FZD9: variants seen among roughly 807,000 people sequenced by gnomAD.
FZD9 encodes the protein frizzled-9.
In FZD9, 29 loss-of-function variants were observed where a neutral mutation model predicts 29.9. That is an observed-to-expected ratio of 0.97 (90% CI 0.72 to 1.32). The LOEUF is 1.32. FZD9 is among the 40% of genes most tolerant of loss of function. The pLI, the probability that FZD9 is intolerant of heterozygous loss-of-function variation, is 0.00. For synonymous variants in FZD9, 384 were observed against 393.9 expected (o/e 0.97, Z 0.30); for missense variants, 822 against 857.8 (o/e 0.96, Z 0.52).
Position 73,435,739 on chromosome 7 carries a change from A to G in FZD9, c.1732A>G (p.Met578Val), listed in dbSNP as rs149379186. ...HYKAPTVVLHMTKTDPSLENP... is the reference protein window; with the variant it reads ...HYKAPTVVLHVTKTDPSLENP... Reference sequence around the variant, plus strand: ...TAAGGCTCCCACCGTGGTCTTGCACATGACTAAGACGGACCCCTCTTTGGA... The same window carrying G: ...TAAGGCTCCCACCGTGGTCTTGCACGTGACTAAGACGGACCCCTCTTTGGA... The change falls in exon 1 of 1, where the codon ATG becomes GTG. Residue 578 changes from methionine (M) to valine (V), a missense_variant. Met to Val is a conservative substitution (Grantham distance 21). Coordinates refer to ENST00000344575, the MANE Select transcript of FZD9 (RefSeq NM_003508.3). 1.6e-5 allele frequency: 25 copies of G among 1,610,212 alleles called. No individual in the cohort carries two copies. Among genetic ancestry groups the G allele is most frequent in the African/African-American group, 2.7e-5 (2 of 74,868 alleles).
At position 73,435,437 on chromosome 7, in the gene FZD9, G is replaced by A; in HGVS notation, c.1430G>A (p.Arg477His). The A allele has an allele frequency of 6.2e-7, 1 of 1,613,532 alleles. No individual in the cohort carries two copies. The highest frequency in any genetic ancestry group is 8.5e-7 in the Non-Finnish European group (1 of 1,179,992). Residue 477 changes from arginine (R) to histidine (H), a missense_variant, in exon 1 of 1, where the codon CGC becomes CAC. Physicochemically the swap from Arg to His is conservative, Grantham distance 29. Transcript: ENST00000344575. ...VYERLNMDFW[R>H]LRATEQPCAA... Reference sequence around the variant, plus strand: ...GAACGCCTCAACATGGACTTCTGGCGCCTTCGGGCCACAGAGCAGCCATGC... The same window carrying A: ...GAACGCCTCAACATGGACTTCTGGCACCTTCGGGCCACAGAGCAGCCATGC...
rs368559421 is a variant in FZD9 at position 73,435,754 on chromosome 7, C to G, written c.1747C>G (p.Pro583Ala). The change falls in exon 1 of 1, where the codon CCC becomes GCC. Residue 583 changes from proline (P) to alanine (A), a missense_variant. By Grantham distance (27) the Pro-to-Ala change is conservative. Transcript: ENST00000344575. ...TVVLHMTKTD[P>A]SLENPTHL Reference sequence around the variant, plus strand: ...GGTCTTGCACATGACTAAGACGGACCCCTCTTTGGAGAACCCCACACACCT... The same window carrying G: ...GGTCTTGCACATGACTAAGACGGACGCCTCTTTGGAGAACCCCACACACCT... 6.3e-7 allele frequency: 1 copy of G among 1,597,706 alleles called. No individual in the cohort carries two copies. The highest frequency in any genetic ancestry group is 8.6e-7 in the Non-Finnish European group (1 of 1,169,218).
In FZD9 at chr7:73,433,924, G is replaced by T. The variant is rs1264059627; in HGVS notation, c.-84G>T. On this transcript the variant is annotated 5_prime_UTR_variant, in exon 1 of 1. Transcript: ENST00000344575. ...TCAGCGATGGCCCGCGCCCCGCGAC[G>T]TGGCGGGCAGGCACCGGGGCGCGGG... The T allele has an allele frequency of 1.8e-4, 190 of 1,056,438 alleles. 1 individual carries two copies. The highest frequency in any genetic ancestry group is 1.9e-4 in the Non-Finnish European group (165 of 870,828). 65.4% of individuals were successfully genotyped at this position (1,056,438 alleles called of 1,614,324 possible).
Position 73,435,624 on chromosome 7 carries a change from C to G in FZD9, c.1617C>G (p.Ser539Arg). 6.2e-7 allele frequency: 1 copy of G among 1,613,170 alleles called. No homozygotes were observed. Among genetic ancestry groups the G allele is most frequent in the South Asian group, 1.1e-5 (1 of 91,086 alleles). Residue 539 changes from serine (S) to arginine (R), a missense_variant, in exon 1 of 1, where the codon AGC becomes AGG. Ser to Arg is a moderately radical substitution (Grantham distance 110). Transcript: ENST00000344575. ...WSSKTFQTWQ[S>R]LCYRKIAAGR... ...CCAAGACTTTCCAGACCTGGCAGAGCCTGTGCTACCGCAAGATAGCAGCTG... is the reference window on the plus strand; with the variant it reads ...CCAAGACTTTCCAGACCTGGCAGAGGCTGTGCTACCGCAAGATAGCAGCTG...
chr7:73,435,290 G>C lies in FZD9; in HGVS notation c.1283G>C (p.Arg428Pro), dbSNP rs782493264. ...LTGFVALFHI[R>P]KIMKTGGTNT... is the part of the protein sequence containing the mutation. ...GGCTTCGTGGCCCTCTTCCACATCC[G>C]CAAGATCATGAAGACGGGCGGCACC... The change falls in exon 1 of 1, where the codon CGC (arginine) becomes CCC (proline). Residue 428 changes from arginine to proline, a missense_variant. Arg to Pro is a moderately radical substitution (Grantham distance 103). Transcript: ENST00000344575. 6.2e-7 allele frequency: 1 copy of C among 1,613,590 alleles called. No homozygotes were observed. Among genetic ancestry groups the C allele is most frequent in the Non-Finnish European group, 8.5e-7 (1 of 1,179,888 alleles).
At position 73,435,201 on chromosome 7, in the gene FZD9, C is replaced by G; in HGVS notation, c.1194C>G (p.Leu398=). 6.2e-7 allele frequency: 1 copy of G among 1,613,320 alleles called. No individual in the cohort carries two copies. The highest frequency in any genetic ancestry group is 1.3e-5 in the African/African-American group (1 of 75,076). ...TGGCCAGCACGGATGCAGCAGCGCT[C>G]ACGGGCTTCGTGCTGGTGCCCCTCT... The part of the protein sequence containing the change: ...CYVASTDAAA[L]TGFVLVPLSG... Residue 398 remains leucine (L), a synonymous_variant, in exon 1 of 1, where the codon CTC becomes CTG. Coordinates refer to ENST00000344575, the MANE Select transcript of FZD9 (RefSeq NM_003508.3).
Position 73,434,247 on chromosome 7 carries a change from G to T in FZD9, c.240G>T (p.Val80=). 6.3e-7 allele frequency: 1 copy of T among 1,588,162 alleles called. No individual in the cohort carries two copies. The change falls in exon 1 of 1, where the codon GTG becomes GTT. Residue 80 remains valine, a synonymous_variant. Transcript: ENST00000344575. ...AAELAEFAPL[V]QYGCHSHLRF... is the part of the protein sequence containing the mutation. Reference sequence around the variant, plus strand: ...AGCTAGCGGAGTTCGCGCCGCTGGTGCAGTACGGCTGCCACAGCCACCTGC... The same window carrying T: ...AGCTAGCGGAGTTCGCGCCGCTGGTTCAGTACGGCTGCCACAGCCACCTGC...
Position 73,434,450 on chromosome 7 carries a change from C to T in FZD9, c.443C>T (p.Pro148Leu). The change falls in exon 1 of 1, where the codon CCG (proline) becomes CTG (leucine). Residue 148 changes from proline to leucine, a missense_variant. Transcript: ENST00000344575. ...GCCCGGCTGCCCACGCGCAACGACC[C>T]GCACGCGCTGTGCATGGAGGCGCCC... Reference protein sequence around the residue: ...DCARLPTRNDPHALCMEAPEN... With the variant: ...DCARLPTRNDLHALCMEAPEN... 3 of 1,537,656 alleles carry T rather than the reference C, an allele frequency of 2.0e-6. No homozygotes were observed. Among genetic ancestry groups the T allele is most frequent in the Non-Finnish European group, 2.6e-6 (3 of 1,151,074 alleles).
rs1563354669 is a variant in FZD9, at chr7:73,434,873, CGCAGAGCGTG to C, written c.869_878del (p.Gln290ProfsTer11). 6.2e-7 allele frequency: 1 copy of C among 1,613,506 alleles called. No homozygotes were observed. The highest frequency in any genetic ancestry group is 8.5e-7 in the Non-Finnish European group (1 of 1,180,000). On this transcript the variant is annotated frameshift_variant, in exon 1 of 1. Coordinates refer to ENST00000344575, the MANE Select transcript of FZD9 (RefSeq NM_003508.3). LOFTEE classifies it high-confidence loss of function. ...TTCCTGATCCGTGCGGTGGCCGGAG[CGCAGAGCGTG>C]GCCTGTGACCAGGAGGCGGGCGCGC... is the stretch of plus-strand genomic sequence containing the variant.
chr7:73,434,312 A>T lies in FZD9; in HGVS notation c.305A>T (p.Asp102Val). ...TCGCTCTACGCGCCCATGTGCACCG[A>T]CCAGGTCTCGACGCCCATTCCCGCC... is the stretch of plus-strand genomic sequence containing the variant. ...LCSLYAPMCT[D>V]QVSTPIPACR... The change falls in exon 1 of 1, where the codon GAC (aspartate) becomes GTC (valine). Residue 102 changes from aspartate to valine, a missense_variant. Physicochemically the swap from Asp to Val is radical, Grantham distance 152. Transcript: ENST00000344575. The T allele has an allele frequency of 6.3e-7, 1 of 1,586,530 alleles. No individual in the cohort carries two copies. Among genetic ancestry groups the T allele is most frequent in the African/African-American group, 1.4e-5 (1 of 73,692 alleles).
chr7:73,434,908 C>T lies in FZD9; in HGVS notation c.901C>T (p.Leu301Phe). The T allele has an allele frequency of 6.2e-7, 1 of 1,613,834 alleles. No homozygotes were observed. Among genetic ancestry groups the T allele is most frequent in the Non-Finnish European group, 8.5e-7 (1 of 1,180,006 alleles). ...SVACDQEAGALYVIQEGLENT... is the reference protein window; with the variant it reads ...SVACDQEAGAFYVIQEGLENT... ...GGCCTGTGACCAGGAGGCGGGCGCG[C>T]TCTACGTGATCCAGGAGGGCCTGGA... Residue 301 changes from leucine (L) to phenylalanine (F), a missense_variant, in exon 1 of 1, where the codon CTC becomes TTC. Transcript: ENST00000344575.
rs145921800 is a variant in FZD9, at chr7:73,435,217, G to T, written c.1210G>T (p.Val404Leu). The T allele has an allele frequency of 5.5e-5, 88 of 1,613,386 alleles. No individual in the cohort carries two copies. The highest frequency in any genetic ancestry group is 7.2e-5 in the Non-Finnish European group (85 of 1,180,046). ...AGCAGCGCTCACGGGCTTCGTGCTG[G>T]TGCCCCTCTCTGGCTACCTGGTGCT... ...DAAALTGFVL[V>L]PLSGYLVLGS... Residue 404 changes from valine (V) to leucine (L), a missense_variant, in exon 1 of 1, where the codon GTG becomes TTG. By Grantham distance (32) the Val-to-Leu change is conservative. Transcript: ENST00000344575.
Position 73,435,053 on chromosome 7 carries a change from A to G in FZD9, c.1046A>G (p.Glu349Gly), listed in dbSNP as rs1329341077. ...FLAAGKKWGH[E>G]AIEAHGSYFH... ...GCTGCCGGGAAGAAATGGGGCCACG[A>G]GGCCATCGAGGCCCACGGCAGCTAT... The change falls in exon 1 of 1, where the codon GAG becomes GGG. Residue 349 changes from glutamate to glycine, a missense_variant. By Grantham distance (98) the Glu-to-Gly change is moderately conservative. Transcript: ENST00000344575. 10 of 1,613,390 alleles carry G rather than the reference A, an allele frequency of 6.2e-6. No homozygotes were observed. The highest frequency in any genetic ancestry group is 8.5e-6 in the Non-Finnish European group (10 of 1,179,882).
In FZD9 at chr7:73,434,109, C is replaced by G. The variant is rs1554563151; in HGVS notation, c.102C>G (p.Arg34=). Residue 34 remains arginine, a synonymous_variant, in exon 1 of 1, where the codon CGC becomes CGG. Coordinates refer to ENST00000344575, the MANE Select transcript of FZD9 (RefSeq NM_003508.3). The stretch of plus-strand genomic sequence containing the variant: ...GCCGCTTCGACCCGGAGCGCGGGCG[C>G]GGGGCTGCGCCGTGCCAGGCGGTGG... ...EIGRFDPERG[R]GAAPCQAVEI... is the part of the protein sequence containing the mutation. 3 of 1,426,318 alleles carry G rather than the reference C, an allele frequency of 2.1e-6. No homozygotes were observed. The highest frequency in any genetic ancestry group is 2.7e-6 in the Non-Finnish European group (3 of 1,097,106). 88.4% of individuals were successfully genotyped at this position (1,426,318 alleles called of 1,614,324 possible).
chr7:73,435,856 A>G lies in FZD9; in HGVS notation c.*73A>G, dbSNP rs1054916937. 3.3e-6 allele frequency: 5 copies of G among 1,509,208 alleles called. No individual in the cohort carries two copies. Among genetic ancestry groups the G allele is most frequent in the Non-Finnish European group, 3.5e-6 (4 of 1,126,894 alleles). The allele number at this position is 1,509,208 out of a possible 1,614,324, so 93.5% of individuals were successfully genotyped here. A position where few individuals can be genotyped will look rare whatever the true frequency, so the allele number is the denominator to read the frequency against. On this transcript the variant is annotated 3_prime_UTR_variant, in exon 1 of 1. Coordinates refer to ENST00000344575, the MANE Select transcript of FZD9 (RefSeq NM_003508.3). ...ACGCCCTGCCCCCTGCATCCCCTAG[A>G]GACAGCTGACTAGCAGCTGCCCAGC...
In FZD9 at chr7:73,434,818, T is replaced by C. The variant is rs1787376108; in HGVS notation, c.811T>C (p.Ser271Pro). The C allele has an allele frequency of 6.2e-7, 1 of 1,613,120 alleles. No individual in the cohort carries two copies. The highest frequency in any genetic ancestry group is 1.3e-5 in the African/African-American group (1 of 74,898). Residue 271 changes from serine to proline, a missense_variant, in exon 1 of 1, where the codon TCC becomes CCC. By Grantham distance (74) the Ser-to-Pro change is moderately conservative. Transcript: ENST00000344575. Reference sequence around the variant, plus strand: ...CCCCGAGCGCCCCATCATCTTCCTCTCCATGTGCTACAACGTCTACTCGCT... The same window carrying C: ...CCCCGAGCGCCCCATCATCTTCCTCCCCATGTGCTACAACGTCTACTCGCT... ...QYPERPIIFL[S>P]MCYNVYSLAF...
In FZD9 at chr7:73,434,842, C is replaced by T. The variant is rs115007009; in HGVS notation, c.835C>T (p.Leu279=). ...CTCCATGTGCTACAACGTCTACTCG[C>T]TGGCCTTCCTGATCCGTGCGGTGGC... ...FLSMCYNVYS[L]AFLIRAVAGA... The change falls in exon 1 of 1, where the codon CTG becomes TTG. Residue 279 remains leucine, a synonymous_variant. Coordinates refer to ENST00000344575, the MANE Select transcript of FZD9 (RefSeq NM_003508.3). 1.2e-6 allele frequency: 2 copies of T among 1,613,504 alleles called. No homozygotes were observed. Among genetic ancestry groups the T allele is most frequent in the African/African-American group, 1.3e-5 (1 of 75,070 alleles).
In FZD9 at chr7:73,434,948, C is replaced by G. The variant is rs1431198105; in HGVS notation, c.941C>G (p.Thr314Arg). 4 of 1,613,938 alleles carry G rather than the reference C, an allele frequency of 2.5e-6. No individual in the cohort carries two copies. The highest frequency in any genetic ancestry group is 3.4e-6 in the Non-Finnish European group (4 of 1,180,026). The change falls in exon 1 of 1, where the codon ACG becomes AGG. Residue 314 changes from threonine to arginine, a missense_variant. Physicochemically the swap from Thr to Arg is moderately conservative, Grantham distance 71 (BLOSUM62 -1). Coordinates refer to ENST00000344575, the MANE Select transcript of FZD9 (RefSeq NM_003508.3). ...IQEGLENTGC[T>R]LVFLLLYYFG... ...GAGGGCCTGGAGAACACGGGCTGCA[C>G]GCTGGTCTTCCTACTGCTCTACTAC...
chr7:73,435,001 G>T lies in FZD9; in HGVS notation c.994G>T (p.Val332Leu), dbSNP rs781824483. The T allele has an allele frequency of 3.1e-6, 5 of 1,614,084 alleles. No homozygotes were observed. In the Admixed American group the frequency reaches 6.7e-5, roughly 22 times the overall value. Reference sequence around the variant, plus strand: ...CGGCATGGCCAGCTCGCTCTGGTGGGTGGTCCTGACGCTCACCTGGTTCCT... The same window carrying T: ...CGGCATGGCCAGCTCGCTCTGGTGGTTGGTCCTGACGCTCACCTGGTTCCT... Reference protein sequence around the residue: ...YFGMASSLWWVVLTLTWFLAA... With the variant: ...YFGMASSLWWLVLTLTWFLAA... Residue 332 changes from valine to leucine, a missense_variant, in exon 1 of 1, where the codon GTG (valine) becomes TTG (leucine). Coordinates refer to ENST00000344575, the MANE Select transcript of FZD9 (RefSeq NM_003508.3).
Sources: allele counts gnomAD v4.1 joint callset, GRCh38; gene constraint gnomAD v4.1.1; transcripts MANE v1.5; gene names NCBI Gene and HGNC (gene_info 2026-07-23, HGNC 2026-07-21).